Variants in STARD7 observed in about 807,000 individuals in gnomAD.
STARD7 encodes stAR-related lipid transfer protein 7, mitochondrial.
A neutral mutation model predicts 45.3 loss-of-function variants in STARD7; 30 were observed. The observed-to-expected ratio is 0.66, with a 90% CI of 0.50 to 0.90. The LOEUF (loss-of-function observed/expected upper bound fraction) is 0.90, where lower values mean the gene tolerates loss of function less well. Ranked by LOEUF, STARD7 falls within the 40% of genes least tolerant of loss-of-function variation. The pLI, the probability that STARD7 is intolerant of heterozygous loss-of-function variation, is 0.00. For missense variants in STARD7, 495 were observed against 491.3 expected, an observed-to-expected ratio of 1.01 and a Z score of -0.07; for synonymous variants, 199 against 183.0, an observed-to-expected ratio of 1.09 and a Z score of -0.70.
intron 1 of STARD7, among the ~76,000 whole-genome samples, chr2:96,197,458 T>C (rs1262030875): frequency 6.6e-6 from 1 of 152,226 alleles, no homozygotes; most frequent in Non-Finnish European, 1.5e-5. Context: ...GGCACGTAAG[T>C]AGCCCTCAAA....
chr2:96,197,066 C>CAAATAA (rs1490850983), intron 1 of STARD7, among the ~76,000 whole-genome samples: 1 of 89,740 alleles, frequency 1.1e-5, no homozygotes, highest in African/African-American at 3.8e-5. Flanking sequence ...AACTCCGTCT[C>CAAATAA]AAAATAAAAT....
At chr2:96,191,661 T>G (rs1034905718) in intron 6 of STARD7, among the ~76,000 whole-genome samples, 2 of 149,114 alleles carry the variant, frequency 1.3e-5, no homozygotes, top group African/African-American at 5.2e-5. Flanking sequence ...CTTTTTTTTT[T>G]GTTTTTTTTT....
chr2:96,196,741 G>A (rs753972606), intron 1 of STARD7, among the ~76,000 whole-genome samples: 2 of 151,960 alleles, frequency 1.3e-5, no homozygotes, highest in African/African-American at 2.4e-5. Flanking sequence ...GATTACAGGC[G>A]TAAACCACCG....
At chr2:96,191,652 T>TC (rs1683127169) in intron 6 of STARD7, among the ~76,000 whole-genome samples, 1 of 146,050 alleles carries the variant, frequency 6.8e-6, no homozygotes, top group Admixed American at 6.8e-5. Flanking sequence ...TCCAGTGTAC[T>TC]TTTTTTTTTG....
chr2:96,206,610 C>T (rs1262598521), intron 1 of STARD7, among the ~76,000 whole-genome samples: 1 of 151,808 alleles, frequency 6.6e-6, no homozygotes, highest in Non-Finnish European at 1.5e-5. Context: ...ACCATCCTGG[C>T]TAACACGGTG....
chr2:96,203,890 C>T (rs1683345500), intron 1 of STARD7, among the ~76,000 whole-genome samples: 2 of 151,882 alleles, frequency 1.3e-5, no homozygotes, highest in Admixed American at 1.3e-4. Flanking sequence ...TGCTTGAAAC[C>T]AGGAGGTGGA....
At chr2:96,190,002 T>G (rs1254626538) in intron 6 of STARD7, among the ~76,000 whole-genome samples, 1 of 152,204 alleles carries the variant, frequency 6.6e-6, no homozygotes, top group Non-Finnish European at 1.5e-5. Context: ...ACCAGTAAAA[T>G]GTATTACTTG....
Position 96,185,616 on chromosome 2 carries a change from T to C in STARD7, c.*1114A>G, listed in dbSNP as rs1484049040. 1.3e-5 allele frequency: 2 copies of C among 152,168 alleles called. No individual in the cohort carries two copies. The highest frequency in any genetic ancestry group is 2.9e-5 in the Non-Finnish European group (2 of 68,026). 9.4% of individuals were successfully genotyped at this position (152,168 alleles called of 1,614,324 possible). A position where few individuals can be genotyped will look rare whatever the true frequency, so the allele number is the denominator to read the frequency against. ...TTTTTAGAGGAACTTAATGGTAACA[T>C]AAACCAAATCTCCACTGTATTAGTA... On this transcript the variant is annotated 3_prime_UTR_variant, in exon 8 of 8. Coordinates refer to ENST00000337288, the MANE Select transcript of STARD7 (RefSeq NM_020151.4).
intron 1 of STARD7, among the ~76,000 whole-genome samples, chr2:96,204,257 C>T (rs1018598437): frequency 7.3e-5 from 11 of 150,862 alleles, no homozygotes; most frequent in African/African-American, 2.4e-4. Flanking sequence ...GAGATTATGT[C>T]TTAAGAAAAA....
chr2:96,192,517 A>T, intron 5 of STARD7, 49 bp from the exon 6 acceptor site: 1 of 1,416,636 alleles, frequency 7.1e-7, no homozygotes, highest in Non-Finnish European at 1.0e-6. Flanking sequence ...TCTATATATA[A>T]AACAACAGGA....
intron 3 of STARD7, among the ~76,000 whole-genome samples, chr2:96,194,669 T>G (rs1044331008): frequency 1.3e-5 from 2 of 152,186 alleles, no homozygotes; most frequent in Non-Finnish European, 2.9e-5. Context: ...CTTAAGTTGT[T>G]TGGGGAAAAA....
At chr2:96,202,398 T>C (rs1006374559) in intron 1 of STARD7, among the ~76,000 whole-genome samples, 1 of 152,192 alleles carries the variant, frequency 6.6e-6, no homozygotes, top group Non-Finnish European at 1.5e-5. Context: ...AATTCCTTTT[T>C]GGCTTAAATT....
intron 1 of STARD7, among the ~76,000 whole-genome samples, chr2:96,200,906 C>T (rs1683294405): frequency 2.0e-5 from 3 of 152,274 alleles, no homozygotes; most frequent in South Asian, 4.1e-4. Context: ...CTGTCTTATA[C>T]ACTCTATTGC....
intron 6 of STARD7, among the ~76,000 whole-genome samples, chr2:96,190,233 G>A (rs891300474): frequency 2.0e-5 from 3 of 152,098 alleles, no homozygotes; most frequent in Non-Finnish European, 2.9e-5. Context: ...CATGTCAAAG[G>A]GGCTTGAGCC....
chr2:96,187,424 T>C (rs932487710), intron 6 of STARD7, 123 bp from the exon 7 acceptor site: 4 of 663,074 alleles, frequency 6.0e-6, no homozygotes, highest in South Asian at 3.7e-5. Context: ...TTTTTCACCC[T>C]GTGCAGAAAA....
At chr2:96,189,435 T>A (rs1184681763) in intron 6 of STARD7, among the ~76,000 whole-genome samples, 1 of 152,162 alleles carries the variant, frequency 6.6e-6, no homozygotes, top group African/African-American at 2.4e-5. Flanking sequence ...CTGGGCACGG[T>A]GGCTCATGCC....
Position 96,193,291 on chromosome 2 carries a change from C to T in STARD7, c.611G>A (p.Arg204Lys). The change falls in exon 4 of 8, where the codon AGG (arginine) becomes AAG (lysine). Residue 204 changes from arginine (R) to lysine (K), a missense_variant. By Grantham distance (26) the Arg-to-Lys change is conservative. Around this residue, in one of 2 missense-constraint regions of STARD7, gnomAD observed 213 missense variants for 271.2 expected, o/e 0.79. Transcript: ENST00000337288. ...AACCTCGGAACCACTAACCACATCC[C>T]TCTCAATCACCTCCAGCTTGATTAC... ...ALVIKLEVIE[R>K]DVVSGSEVLH... 1.9e-6 allele frequency: 3 copies of T among 1,613,926 alleles called. No individual in the cohort carries two copies. The highest frequency in any genetic ancestry group is 2.5e-6 in the Non-Finnish European group (3 of 1,179,834).
chr2:96,206,800 C>CAAAA (rs61417989), intron 1 of STARD7, among the ~76,000 whole-genome samples: 10 of 49,460 alleles, frequency 2.0e-4, no homozygotes, highest in Non-Finnish European at 2.8e-4. Context: ...GACTCCGTCT[C>CAAAA]AAAAAAAAAA....
chr2:96,189,741 A>C (rs1344442630), intron 6 of STARD7, among the ~76,000 whole-genome samples: 4 of 151,966 alleles, frequency 2.6e-5, no homozygotes, highest in Non-Finnish European at 5.9e-5. Context: ...TTTTGTACAC[A>C]GTATGCACAT....
Sources: allele counts gnomAD v4.1 joint callset (sites outside exome capture counted in the v4.1 genomes callset), GRCh38; gene constraint gnomAD v4.1.1; regional missense constraint gnomAD v4.1.1; transcripts MANE v1.5; gene names NCBI Gene and HGNC (gene_info 2026-07-23, HGNC 2026-07-21).